SLC39A11: variants seen among roughly 807,000 people sequenced by gnomAD.
SLC39A11 encodes the protein zinc transporter ZIP11.
In SLC39A11, 33 loss-of-function variants were observed where a neutral mutation model predicts 36.1. That is an observed-to-expected ratio of 0.91 (90% confidence interval 0.69 to 1.22). The LOEUF (loss-of-function observed/expected upper bound fraction) is 1.22, where lower values mean the gene tolerates loss of function less well. Among genes scored for constraint, SLC39A11 ranks in the 50% most tolerant of loss-of-function variants. The pLI is 0.00. For missense variants in SLC39A11, 432 were observed against 430.3 expected, an observed-to-expected ratio of 1.00 and a Z score of -0.03; for synonymous variants, 166 against 170.3, an observed-to-expected ratio of 0.97 and a Z score of 0.20.
At chr17:73,085,824 G>A (rs747562912) in intron 2 of SLC39A11, among the ~76,000 whole-genome samples, 1 of 152,032 alleles carries the variant, frequency 6.6e-6, no homozygotes, top group African/African-American at 2.4e-5. Flanking sequence ...GCAGTGCTAA[G>A]AGCCCAAAAC....
chr17:72,894,475 A>G (rs2081930250), intron 5 of SLC39A11, among the ~76,000 whole-genome samples: 1 of 146,628 alleles, frequency 6.8e-6, no homozygotes, highest in Non-Finnish European at 1.5e-5. Context: ...CATCCTGGCT[A>G]ACATGGTGAA....
chr17:73,049,336 G>C (rs929213853), intron 3 of SLC39A11, among the ~76,000 whole-genome samples: 2 of 152,246 alleles, frequency 1.3e-5, no homozygotes, highest in African/African-American at 4.8e-5. Flanking sequence ...CTGAGAAGCA[G>C]GTTAGGGTTG....
chr17:72,841,388 A>G (rs1039079590), intron 6 of SLC39A11, among the ~76,000 whole-genome samples: 1 of 152,242 alleles, frequency 6.6e-6, no homozygotes, highest in Admixed American at 6.5e-5. Flanking sequence ...AGATCCGGTC[A>G]TTTGCAACAA....
intron 5 of SLC39A11, among the ~76,000 whole-genome samples, chr17:72,918,986 AG>A: frequency 6.6e-6 from 1 of 152,066 alleles, no homozygotes; most frequent in South Asian, 2.1e-4. Flanking sequence ...CTGCTTGAAC[AG>A]GGGAGGCTGA....
At chr17:72,795,206 G>A (rs1328260663) in intron 6 of SLC39A11, among the ~76,000 whole-genome samples, 3 of 152,086 alleles carry the variant, frequency 2.0e-5, no homozygotes, top group Non-Finnish European at 2.9e-5. Flanking sequence ...GGCTTAGCTG[G>A]ATGGCCCTGG....
chr17:72,743,379 G>A lies in SLC39A11; in HGVS notation c.602-6660C>T, dbSNP rs58691429. ...AGCAAAGGGAATGCATTTTCCCTCCGGCCCATCCTGTACCTCAGGCCAGGC... is the reference window on the plus strand; with the variant it reads ...AGCAAAGGGAATGCATTTTCCCTCCAGCCCATCCTGTACCTCAGGCCAGGC... On this transcript the variant is annotated intron_variant, in intron 6 of 9. Transcript: ENST00000255559. Among the ~76,000 whole-genome samples the A allele has an allele frequency of 7.5e-3, 1,135 of 152,232 alleles. 16 individuals are homozygous for A. The highest frequency in any genetic ancestry group is 0.026 in the African/African-American group (1,075 of 41,528).
At chr17:72,801,425 C>G (rs936968847) in intron 6 of SLC39A11, among the ~76,000 whole-genome samples, 2 of 152,174 alleles carry the variant, frequency 1.3e-5, no homozygotes, top group African/African-American at 4.8e-5. Context: ...CAGGGTTTCA[C>G]CAGGTTGGCC....
chr17:72,731,100 C>A (rs1457002559), intron 7 of SLC39A11, among the ~76,000 whole-genome samples: 1 of 152,140 alleles, frequency 6.6e-6, no homozygotes, highest in Non-Finnish European at 1.5e-5. Context: ...GGCACTTGCA[C>A]GACAGTCAGT....
chr17:72,944,882 T>A (rs774036487), intron 5 of SLC39A11, among the ~76,000 whole-genome samples: 11 of 152,100 alleles, frequency 7.2e-5, no homozygotes, highest in Non-Finnish European at 8.8e-5. Flanking sequence ...ATGGGTCAGG[T>A]GTGATTATAG....
At chr17:73,021,399 G>C (rs565535040) in intron 4 of SLC39A11, among the ~76,000 whole-genome samples, 5 of 151,934 alleles carry the variant, frequency 3.3e-5, no homozygotes, top group Middle Eastern at 3.4e-3. Flanking sequence ...GAGTGTAGTG[G>C]TGCAATCTCG....
chr17:72,935,325 G>T (rs951321074), intron 5 of SLC39A11, among the ~76,000 whole-genome samples: 2 of 152,130 alleles, frequency 1.3e-5, no homozygotes, highest in Non-Finnish European at 2.9e-5. Flanking sequence ...CAAAAATATA[G>T]GGGCAGAGAA....
chr17:72,753,664 T>C (rs2075241651), intron 6 of SLC39A11, among the ~76,000 whole-genome samples: 1 of 151,952 alleles, frequency 6.6e-6, no homozygotes, highest in Admixed American at 6.6e-5. Flanking sequence ...TTCTCAGGTG[T>C]CTGGGGATCT....
In SLC39A11 at chr17:72,946,942, G is replaced by T. The variant is rs1056568891; in HGVS notation, c.430+810C>A. ...TGCTGTCTGATTCCTCTTGAGGGAC[G>T]CATTCCCTCTAACTCAGAGAAAAGG... On this transcript the variant is annotated intron_variant, in intron 5 of 9. Transcript: ENST00000255559. 2.6e-5 allele frequency among the ~76,000 whole-genome samples: 4 copies of T among 152,302 alleles called. 1 individual carries two copies. Among genetic ancestry groups the T allele is most frequent in the Admixed American group, 2.6e-4 (4 of 15,298 alleles).
intron 7 of SLC39A11, among the ~76,000 whole-genome samples, chr17:72,660,538 G>A (rs1028148637): frequency 2.6e-5 from 4 of 152,136 alleles, no homozygotes; most frequent in South Asian, 4.1e-4. Flanking sequence ...TACACATACC[G>A]GGTTTTCTGG....
chr17:72,697,432 G>C (rs2072359318), intron 7 of SLC39A11, among the ~76,000 whole-genome samples: 1 of 152,136 alleles, frequency 6.6e-6, no homozygotes, highest in Non-Finnish European at 1.5e-5. Context: ...CCCAGATGAA[G>C]GTGTCTATCT....
intron 6 of SLC39A11, among the ~76,000 whole-genome samples, chr17:72,828,383 C>A (rs2078119027): frequency 6.6e-6 from 1 of 152,170 alleles, no homozygotes; most frequent in African/African-American, 2.4e-5. Context: ...GACCATGAGC[C>A]AGGAAAGGCA....
chr17:72,649,772 T>C (rs2069766766), intron 7 of SLC39A11, among the ~76,000 whole-genome samples: 4 of 152,080 alleles, frequency 2.6e-5, no homozygotes, highest in South Asian at 2.1e-4. Context: ...TTTGTATTTT[T>C]AGTAGAGATG....
At chr17:72,872,555 A>G (rs987555570) in intron 5 of SLC39A11, among the ~76,000 whole-genome samples, 11 of 152,242 alleles carry the variant, frequency 7.2e-5, no homozygotes, top group African/African-American at 2.7e-4. Flanking sequence ...TGACAGTGAT[A>G]GAAATCTTAC....
At chr17:72,807,185 G>A (rs1281964852) in intron 6 of SLC39A11, among the ~76,000 whole-genome samples, 1 of 151,850 alleles carries the variant, frequency 6.6e-6, no homozygotes, top group African/African-American at 2.4e-5. Flanking sequence ...TTTCATTGTT[G>A]CTTTTGTTTT....
Sources: allele counts gnomAD v4.1 joint callset (sites outside exome capture counted in the v4.1 genomes callset), GRCh38; gene constraint gnomAD v4.1.1; transcripts MANE v1.5; gene names NCBI Gene and HGNC (gene_info 2026-07-23, HGNC 2026-07-21).